RYR2: variants seen among roughly 807,000 people sequenced by gnomAD.
RYR2 encodes ryanodine receptor 2, also known as cardiac muscle ryanodine receptor-calcium release channel.
RYR2 carries 227 observed loss-of-function variants against 601.1 expected under a neutral mutation model. That is an observed-to-expected ratio of 0.38 (90% CI 0.34 to 0.42). The LOEUF is 0.42. Among genes scored for constraint, RYR2 ranks in the 10% least tolerant of loss-of-function variants. RYR2 has a pLI of 1.00. For synonymous variants in RYR2, 2,223 were observed against 2,175.1 expected (o/e 1.02, Z -0.61); for missense variants, 4,646 against 6,156.5 (o/e 0.75, Z 8.21).
At chr1:237,553,971 C>T (rs968283028) in intron 27 of RYR2, among the ~76,000 whole-genome samples, 1 of 151,866 alleles carries the variant, frequency 6.6e-6, no homozygotes, top group South Asian at 2.1e-4. Context: ...AACTAAACCT[C>T]ACTTTTTCTT....
intron 100 of RYR2, among the ~76,000 whole-genome samples, chr1:237,815,145 T>C (rs1019131204): frequency 6.6e-6 from 1 of 152,012 alleles, no homozygotes; most frequent in Non-Finnish European, 1.5e-5. Flanking sequence ...CAACTTCCTC[T>C]TCTAAATTTT....
At chr1:237,708,110 AT>A (rs1688534597) in intron 68 of RYR2, among the ~76,000 whole-genome samples, 1 of 152,066 alleles carries the variant, frequency 6.6e-6, no homozygotes, top group Non-Finnish European at 1.5e-5. Flanking sequence ...TTTCAACAAT[AT>A]TTTATGCCCT....
rs1445190733 is a variant in RYR2 at position 237,660,920 on chromosome 1, G to A, written c.8409G>A (p.Arg2803=). The part of the protein sequence containing the change: ...REGDSMALYN[R]TRRISQTSQV... ...GAGACAGCATGGCCCTTTACAACCG[G>A]ACTCGTCGTATTTCTCAGACAAGCC... The change falls in exon 56 of 105, where the codon CGG becomes CGA. Residue 2803 remains arginine (R), a synonymous_variant. Coordinates refer to ENST00000366574, the MANE Select transcript of RYR2 (RefSeq NM_001035.3). The A allele has an allele frequency of 6.8e-7, 1 of 1,463,434 alleles. No individual in the cohort carries two copies. 90.7% of individuals were successfully genotyped at this position (1,463,434 alleles called of 1,614,324 possible).
chr1:237,814,125 C>T (rs1038834001), intron 100 of RYR2, among the ~76,000 whole-genome samples: 1 of 152,222 alleles, frequency 6.6e-6, no homozygotes, highest in African/African-American at 2.4e-5. Flanking sequence ...TAATTTGCTT[C>T]TTACCAGTAC....
At chr1:237,666,336 C>G (rs1164837355) in intron 56 of RYR2, among the ~76,000 whole-genome samples, 176 bp from the exon 57 acceptor site, 1 of 152,152 alleles carries the variant, frequency 6.6e-6, no homozygotes, top group Non-Finnish European at 1.5e-5. Flanking sequence ...TTCAGACACC[C>G]AAATATAATT....
rs35984919 is a variant in RYR2, at chr1:237,240,665, C to CAAAAAAAAAAAAAA, written c.49-29821_49-29808dup. 2.9e-4 allele frequency among the ~76,000 whole-genome samples: 16 copies of CAAAAAAAAAAAAAA among 55,112 alleles called. 1 individual carries two copies. Among genetic ancestry groups the CAAAAAAAAAAAAAA allele is most frequent in the Admixed American group, 6.7e-4 (2 of 3,002 alleles). The allele number at this position is 55,112 out of a possible 152,430, so 36.2% of individuals were successfully genotyped here. On this transcript the variant is annotated intron_variant, in intron 1 of 104. Coordinates refer to ENST00000366574, the MANE Select transcript of RYR2 (RefSeq NM_001035.3). ...GTTGTATTGCCCCCTCTATAAAAGC[C>CAAAAAAAAAAAAAA]AAAAAAAAAAAAAAAAAAAAAAAAC...
At chr1:237,376,365 A>G (rs1490869368) in intron 7 of RYR2, among the ~76,000 whole-genome samples, 1 of 152,192 alleles carries the variant, frequency 6.6e-6, no homozygotes, top group East Asian at 1.9e-4. Flanking sequence ...GTGAGGGCCT[A>G]TAATAGGCTA....
At chr1:237,136,966 G>A (rs1414990996) in intron 1 of RYR2, among the ~76,000 whole-genome samples, 7 of 141,884 alleles carry the variant, frequency 4.9e-5, no homozygotes, top group South Asian at 2.2e-4. Flanking sequence ...GCAGTGAGCC[G>A]AGATCATGCC....
At chr1:237,202,617 A>G (rs1681321807) in intron 1 of RYR2, among the ~76,000 whole-genome samples, 1 of 152,180 alleles carries the variant, frequency 6.6e-6, no homozygotes, top group African/African-American at 2.4e-5. Context: ...TATGTTGGCT[A>G]GGCTGGTCTT....
chr1:237,086,483 C>T (rs1342848160), intron 1 of RYR2, among the ~76,000 whole-genome samples: 2 of 152,152 alleles, frequency 1.3e-5, no homozygotes, highest in Admixed American at 6.5e-5. Context: ...CTTCTTGTCT[C>T]AGTGGACAAG....
intron 2 of RYR2, among the ~76,000 whole-genome samples, chr1:237,317,168 C>T (rs1012123500): frequency 1.3e-5 from 2 of 152,088 alleles, no homozygotes; most frequent in African/African-American, 4.8e-5. Flanking sequence ...TTCAAAGAAA[C>T]AGTGTATATA....
chr1:237,417,138 T>C lies in RYR2; in HGVS notation c.848+15T>C, dbSNP rs751643503. ...CTAAGAGTTGCGTAAGTAGAACTTC[T>C]AAACACAGCCTAATGCACCAAGTGT... On this transcript the variant is annotated intron_variant, in intron 11 of 104. Transcript: ENST00000366574. The C allele has an allele frequency of 6.9e-6, 11 of 1,600,912 alleles. No homozygotes were observed. The highest frequency in any genetic ancestry group is 9.4e-6 in the Non-Finnish European group (11 of 1,168,084).
intron 1 of RYR2, among the ~76,000 whole-genome samples, chr1:237,228,866 C>G (rs985466896): frequency 2.9e-4 from 44 of 151,948 alleles, no homozygotes; most frequent in African/African-American, 9.2e-4. Flanking sequence ...TTTTTGAATG[C>G]TTGTTTGTGT....
In RYR2 at chr1:237,666,528, C is replaced by T. The variant is rs794728759; in HGVS notation, c.8453C>T (p.Ala2818Val). ...SQTSQVSVDAAHGYSPRAIDM... is the reference protein window; with the variant it reads ...SQTSQVSVDAVHGYSPRAIDM... ...ATGATCTAGGTTTCTGTGGACGCTG[C>T]CCATGGTTACAGTCCCCGGGCCATT... The change falls in exon 57 of 105, where the codon GCC becomes GTC. Residue 2818 changes from alanine (A) to valine (V), a missense_variant. Transcript: ENST00000366574. The T allele has an allele frequency of 6.2e-7, 1 of 1,612,070 alleles. No individual in the cohort carries two copies. Among genetic ancestry groups the T allele is most frequent in the Non-Finnish European group, 8.5e-7 (1 of 1,179,124 alleles).
intron 30 of RYR2, 83 bp downstream of exon 30, chr1:237,590,084 A>T (rs543411646): frequency 2.6e-5 from 32 of 1,243,272 alleles, no homozygotes; most frequent in Non-Finnish European, 3.6e-5. Flanking sequence ...TGCTTAGACA[A>T]TTATTATGAC....
At chr1:237,825,931 T>A (rs1663039908) in intron 101 of RYR2, among the ~76,000 whole-genome samples, 1 of 152,144 alleles carries the variant, frequency 6.6e-6, no homozygotes, top group South Asian at 2.1e-4. Flanking sequence ...TCATCACTGG[T>A]CATTGAAGAA....
intron 73 of RYR2, among the ~76,000 whole-genome samples, chr1:237,722,660 G>C (rs970434250): frequency 3.4e-4 from 51 of 152,092 alleles, no homozygotes; most frequent in Non-Finnish European, 4.9e-4. Flanking sequence ...GTCTCGATCT[G>C]CTGACCTCAT....
chr1:237,257,902 G>A (rs1161676687), intron 1 of RYR2, among the ~76,000 whole-genome samples: 6 of 152,052 alleles, frequency 3.9e-5, no homozygotes, highest in Admixed American at 3.3e-4. Flanking sequence ...AGTAGCTCAC[G>A]CCTGTAATCC....
intron 50 of RYR2, among the ~76,000 whole-genome samples, chr1:237,650,965 A>T (rs1682671399): frequency 6.6e-6 from 1 of 152,174 alleles, no homozygotes; most frequent in African/African-American, 2.4e-5. Flanking sequence ...CACTGTGTAC[A>T]TTTTCTCTCC....
Sources: gnomAD v4.1 joint callset for allele counts (sites outside exome capture counted in the v4.1 genomes callset) on GRCh38, gnomAD v4.1.1 for gene constraint, MANE v1.5 for transcripts, NCBI Gene and HGNC (gene_info 2026-07-23, HGNC 2026-07-21) for gene names.